The following FAM117B variants were observed in gnomAD, a reference collection of about 807,000 sequenced individuals.
FAM117B encodes the protein family with sequence similarity 117 member B.
FAM117B carries 22 observed loss-of-function variants against 52.8 expected under a neutral mutation model. The ratio of observed to expected loss-of-function variants is 0.42; its 90% CI spans 0.30 to 0.59. The LOEUF (loss-of-function observed/expected upper bound fraction) is 0.59, where lower values mean the gene tolerates loss of function less well. FAM117B is among the 20% of genes least tolerant of loss of function. The pLI is 0.22. For synonymous variants in FAM117B, 309 were observed against 324.1 expected (o/e 0.95, Z 0.50); for missense variants, 678 against 802.6 (o/e 0.84, Z 1.88).
rs1272776124 is a variant in FAM117B at position 202,769,556 on chromosome 2, T to G, written c.*3792T>G. The G allele has an allele frequency of 6.5e-6, 1 of 152,682 alleles. No individual in the cohort carries two copies. Among genetic ancestry groups the G allele is most frequent in the Non-Finnish European group, 1.5e-5 (1 of 68,050 alleles). The allele number at this position is 152,682 out of a possible 1,614,324, so 9.5% of individuals were successfully genotyped here. ...AGAATTTTTTTAACTCTTCATTTTT[T>G]GTCTCTGTGGAAGCTGTGTAACTCT... is the stretch of plus-strand genomic sequence containing the variant. On this transcript the variant is annotated 3_prime_UTR_variant, in exon 8 of 8. Coordinates refer to ENST00000392238, the MANE Select transcript of FAM117B (RefSeq NM_173511.4).
chr2:202,740,359 CAAAAAA>C (rs769846441), intron 4 of FAM117B, among the ~76,000 whole-genome samples: 7 of 65,564 alleles, frequency 1.1e-4, no homozygotes, highest in African/African-American at 2.0e-4. Context: ...GACTCTGCCT[CAAAAAA>C]AAAAAAAAAA....
intron 2 of FAM117B, among the ~76,000 whole-genome samples, chr2:202,720,524 A>G: frequency 6.6e-6 from 1 of 151,998 alleles, no homozygotes; most frequent in Non-Finnish European, 1.5e-5. Flanking sequence ...TAGCTACAAC[A>G]GCATTAGGTC....
At chr2:202,644,071 T>TG (rs1338551214) in intron 1 of FAM117B, among the ~76,000 whole-genome samples, 92 of 146,182 alleles carry the variant, frequency 6.3e-4, no homozygotes, top group African/African-American at 1.7e-3. Flanking sequence ...TTTGTTTTTT[T>TG]TTTTTTTTTT....
intron 1 of FAM117B, among the ~76,000 whole-genome samples, chr2:202,657,917 G>A (rs1481982252): frequency 2.6e-5 from 4 of 152,012 alleles, no homozygotes; most frequent in African/African-American, 4.8e-5. Flanking sequence ...TGGCTGCTAT[G>A]GGGATTACAA....
intron 2 of FAM117B, among the ~76,000 whole-genome samples, chr2:202,712,454 G>T: frequency 1.4e-5 from 2 of 140,776 alleles, no homozygotes; most frequent in East Asian, 2.0e-4. Flanking sequence ...GCGTGTGGAG[G>T]CTTTAGGTGT....
At position 202,704,958 on chromosome 2, in the gene FAM117B, T is replaced by C. The variant is rs1486484453; in HGVS notation, c.753+8926T>C. On this transcript the variant is annotated intron_variant, in intron 2 of 7. Coordinates refer to ENST00000392238, the MANE Select transcript of FAM117B (RefSeq NM_173511.4). ...GGCCTTTCCACCTCCTAGGGGAAGA[T>C]TGGAAATGGGAGAAGGATTCTGGAA... Among the ~76,000 whole-genome samples, 3 of 151,752 alleles carry C rather than the reference T, an allele frequency of 2.0e-5. No homozygotes were observed. The East Asian group carries it at 5.8e-4, about 29-fold the overall frequency.
intron 2 of FAM117B, among the ~76,000 whole-genome samples, chr2:202,709,518 A>G (rs1690928086): frequency 6.6e-6 from 1 of 152,032 alleles, no homozygotes; most frequent in Non-Finnish European, 1.5e-5. Flanking sequence ...TTTTTTAATT[A>G]TTAGTTTTAT....
intron 7 of FAM117B, among the ~76,000 whole-genome samples, chr2:202,760,058 A>G (rs1691861232): frequency 1.3e-5 from 2 of 152,230 alleles, no homozygotes; most frequent in East Asian, 1.9e-4. Context: ...TCATATATCT[A>G]CAACTCAGAT....
At chr2:202,740,128 G>GCATCACTGCA (rs1479235127) in intron 4 of FAM117B, among the ~76,000 whole-genome samples, 1 of 119,882 alleles carries the variant, frequency 8.3e-6, no homozygotes, top group Non-Finnish European at 1.6e-5. Context: ...AGCCAAGATT[G>GCATCACTGCA]CATCACTGCA....
At chr2:202,734,904 A>T (rs944146102) in intron 4 of FAM117B, among the ~76,000 whole-genome samples, 3 of 152,238 alleles carry the variant, frequency 2.0e-5, no homozygotes, top group African/African-American at 7.2e-5. Flanking sequence ...GAAAAGTCGA[A>T]TAGAAAAATT....
At chr2:202,692,424 A>C (rs1690647550) in intron 1 of FAM117B, among the ~76,000 whole-genome samples, 1 of 152,180 alleles carries the variant, frequency 6.6e-6, no homozygotes, top group South Asian at 2.1e-4. Context: ...AAAATTTTAG[A>C]CTTTACAGGT....
intron 2 of FAM117B, among the ~76,000 whole-genome samples, chr2:202,719,836 T>G (rs1227269277): frequency 6.6e-6 from 1 of 152,192 alleles, no homozygotes; most frequent in Non-Finnish European, 1.5e-5. Flanking sequence ...TTTGAGTCTT[T>G]CATGACATTA....
chr2:202,710,993 A>T (rs1269578207), intron 2 of FAM117B, among the ~76,000 whole-genome samples: 2 of 152,144 alleles, frequency 1.3e-5, no homozygotes, highest in African/African-American at 4.8e-5. Flanking sequence ...AATCTTGGCT[A>T]TTGGGAACAG....
Position 202,689,072 on chromosome 2 carries a change from A to C in FAM117B, c.602-6809A>C, listed in dbSNP as rs140993492. On this transcript the variant is annotated intron_variant, in intron 1 of 7. Transcript: ENST00000392238. ...CTCAACAATAAGTAATTGAATGCAT[A>C]ATGGGACCTCATTTATATAAAATCA... Among the ~76,000 whole-genome samples the C allele has an allele frequency of 3.6e-3, 541 of 152,346 alleles. 5 individuals are homozygous for C. The highest frequency in any genetic ancestry group is 6.1e-3 in the Admixed American group (94 of 15,300).
chr2:202,765,819 T>C lies in FAM117B; in HGVS notation c.*55T>C. ...GAAATTGGGAACCTCCTCAGATCAC[T>C]GGATTCTGATGGCATCGTGCGCTTC... On this transcript the variant is annotated 3_prime_UTR_variant, in exon 8 of 8. Coordinates refer to ENST00000392238, the MANE Select transcript of FAM117B (RefSeq NM_173511.4). 6.5e-7 allele frequency: 1 copy of C among 1,527,548 alleles called. No homozygotes were observed. The highest frequency in any genetic ancestry group is 8.9e-7 in the Non-Finnish European group (1 of 1,119,558). 94.6% of individuals were successfully genotyped at this position (1,527,548 alleles called of 1,614,324 possible).
intron 1 of FAM117B, among the ~76,000 whole-genome samples, chr2:202,680,764 C>G (rs941134077): frequency 6.6e-6 from 1 of 151,996 alleles, no homozygotes; most frequent in Admixed American, 6.6e-5. Context: ...GCAAAAAATC[C>G]TTCAATATAA....
At chr2:202,689,912 G>A (rs535263853) in intron 1 of FAM117B, among the ~76,000 whole-genome samples, 70 of 151,674 alleles carry the variant, frequency 4.6e-4, no homozygotes, top group African/African-American at 1.5e-3. Context: ...ACTGCAGTTC[G>A]GCCTGGGTGA....
chr2:202,655,249 C>T (rs1445824856), intron 1 of FAM117B, among the ~76,000 whole-genome samples: 5 of 151,996 alleles, frequency 3.3e-5, no homozygotes, highest in Admixed American at 6.6e-5. Flanking sequence ...TATGAATGTA[C>T]GACACTTTGT....
chr2:202,720,902 T>G (rs1002258214), intron 2 of FAM117B, among the ~76,000 whole-genome samples: 1 of 152,254 alleles, frequency 6.6e-6, no homozygotes, highest in African/African-American at 2.4e-5. Flanking sequence ...TTGATGATCC[T>G]TGCCTACTTC....
Sources: gnomAD v4.1 joint callset for allele counts (sites outside exome capture counted in the v4.1 genomes callset) on GRCh38, gnomAD v4.1.1 for gene constraint, MANE v1.5 for transcripts, NCBI Gene and HGNC (gene_info 2026-07-23, HGNC 2026-07-21) for gene names.